Variants in ADAMTS12 observed in about 807,000 individuals in gnomAD.
ADAMTS12 encodes A disintegrin and metalloproteinase with thrombospondin motifs 12.
Under a neutral mutation model 167.8 loss-of-function variants are expected in ADAMTS12, and 118 were observed. The ratio of observed to expected loss-of-function variants is 0.70; its 90% CI spans 0.61 to 0.82. ADAMTS12 has a LOEUF of 0.82. Ranked by LOEUF, ADAMTS12 falls within the 40% of genes least tolerant of loss-of-function variation. The probability of loss-of-function intolerance (pLI) is 0.00; values close to 1 mark genes in which losing one functional copy is unlikely to be tolerated. For missense variants in ADAMTS12, 1,916 were observed against 1,998.8 expected (o/e 0.96, Z 0.79); for synonymous variants, 704 against 716.9 (o/e 0.98, Z 0.29).
chr5:33,754,010 A>G (rs1403414719), intron 2 of ADAMTS12, among the ~76,000 whole-genome samples: 9 of 152,142 alleles, frequency 5.9e-5, no homozygotes. Flanking sequence ...AGCTGTAGGG[A>G]GAGTGAGGTG....
At chr5:33,796,152 C>T (rs1283049381) in intron 2 of ADAMTS12, among the ~76,000 whole-genome samples, 1 of 152,156 alleles carries the variant, frequency 6.6e-6, no homozygotes, top group African/African-American at 2.4e-5. Flanking sequence ...GCAGAATGTG[C>T]CATGCAGGAC....
chr5:33,849,543 C>CATAGCAATATAT (rs1749123819), intron 2 of ADAMTS12, among the ~76,000 whole-genome samples: 2 of 95,350 alleles, frequency 2.1e-5, no homozygotes, highest in African/African-American at 9.8e-5. Context: ...GCAATATATA[C>CATAGCAATATAT]ATATATGTAC....
intron 16 of ADAMTS12, among the ~76,000 whole-genome samples, chr5:33,596,523 A>G (rs1737888598): frequency 6.6e-6 from 1 of 152,190 alleles, no homozygotes; most frequent in Admixed American, 6.5e-5. Flanking sequence ...CTCTACTAAA[A>G]ATACAAAAAT....
At chr5:33,604,507 T>A (rs13155265) in intron 16 of ADAMTS12, among the ~76,000 whole-genome samples, 10 of 140,866 alleles carry the variant, frequency 7.1e-5, no homozygotes, top group South Asian at 2.2e-4. Context: ...ATCTCAAAAT[T>A]AAAAAAAAAG....
At chr5:33,618,121 C>T (rs1470110924) in intron 14 of ADAMTS12, among the ~76,000 whole-genome samples, 2 of 152,112 alleles carry the variant, frequency 1.3e-5, no homozygotes, top group Non-Finnish European at 2.9e-5. Flanking sequence ...GTGTTATATG[C>T]ATTATATATT....
chr5:33,575,841 A>G (rs1746676302), intron 19 of ADAMTS12, among the ~76,000 whole-genome samples: 1 of 152,226 alleles, frequency 6.6e-6, no homozygotes, highest in Non-Finnish European at 1.5e-5. Flanking sequence ...ATATATCTAT[A>G]CAATTTCACA....
intron 14 of ADAMTS12, among the ~76,000 whole-genome samples, chr5:33,622,283 C>T (rs1199368193): frequency 6.6e-6 from 1 of 152,148 alleles, no homozygotes; most frequent in Non-Finnish European, 1.5e-5. Flanking sequence ...GACAACAACT[C>T]TGGTTTTCAA....
At chr5:33,891,607 A>C (rs1254683967) in intron 1 of ADAMTS12, 123 bp downstream of exon 1, 9 of 1,458,472 alleles carry the variant, frequency 6.2e-6, no homozygotes, top group Non-Finnish European at 7.4e-6. Flanking sequence ...ATTTCCTTAC[A>C]ACGCAGCCAA....
At chr5:33,562,777 G>A (rs1406073050) in intron 19 of ADAMTS12, among the ~76,000 whole-genome samples, 1 of 152,032 alleles carries the variant, frequency 6.6e-6, no homozygotes, top group East Asian at 1.9e-4. Context: ...AATTACAGGT[G>A]TGTGCCACCA....
chr5:33,814,774 A>G (rs1747586382), intron 2 of ADAMTS12, among the ~76,000 whole-genome samples: 1 of 152,206 alleles, frequency 6.6e-6, no homozygotes, highest in African/African-American at 2.4e-5. Context: ...CTTCACGTCA[A>G]CTGCGTCAGT....
chr5:33,722,508 T>G (rs1743841067), intron 3 of ADAMTS12, among the ~76,000 whole-genome samples: 1 of 152,206 alleles, frequency 6.6e-6, no homozygotes, highest in Non-Finnish European at 1.5e-5. Context: ...ATCTCAGAGT[T>G]GGTTAGAGGT....
intron 19 of ADAMTS12, among the ~76,000 whole-genome samples, chr5:33,575,640 T>C (rs905574180): frequency 1.3e-5 from 2 of 152,226 alleles, no homozygotes; most frequent in East Asian, 3.8e-4. Context: ...GGGTCTTCAC[T>C]GGTCAGTTTA....
At chr5:33,752,129 G>A (rs541740227) in intron 2 of ADAMTS12, among the ~76,000 whole-genome samples, 50 of 152,350 alleles carry the variant, frequency 3.3e-4, no homozygotes, top group African/African-American at 1.1e-3. Flanking sequence ...TCTAGGGAAA[G>A]GGGAATATTC....
intron 15 of ADAMTS12, among the ~76,000 whole-genome samples, chr5:33,615,170 A>G (rs1470012689): frequency 6.6e-6 from 1 of 152,206 alleles, no homozygotes; most frequent in Non-Finnish European, 1.5e-5. Flanking sequence ...CTGTGTCAGA[A>G]GCAAAGTCTC....
At chr5:33,756,342 C>T (rs531702460) in intron 2 of ADAMTS12, among the ~76,000 whole-genome samples, 147 of 152,314 alleles carry the variant, frequency 9.7e-4, no homozygotes, top group African/African-American at 3.3e-3. Flanking sequence ...CACTGTGTTT[C>T]GGAGGCCACT....
chr5:33,537,648 T>C (rs1744483593), intron 22 of ADAMTS12, among the ~76,000 whole-genome samples: 2 of 152,202 alleles, frequency 1.3e-5, no homozygotes, highest in African/African-American at 2.4e-5. Context: ...CTGTTGTGCC[T>C]AATATAATTC....
intron 2 of ADAMTS12, among the ~76,000 whole-genome samples, chr5:33,839,745 G>A (rs971462161): frequency 2.0e-5 from 3 of 152,110 alleles, no homozygotes; most frequent in Non-Finnish European, 4.4e-5. Flanking sequence ...CACTCAAAAA[G>A]GTTGTATCGC....
At chr5:33,733,161 A>G (rs1171887224) in intron 3 of ADAMTS12, among the ~76,000 whole-genome samples, 1 of 151,724 alleles carries the variant, frequency 6.6e-6, no homozygotes, top group Non-Finnish European at 1.5e-5. Flanking sequence ...TCCTCATTAT[A>G]TTATTTTCCC....
intron 3 of ADAMTS12, among the ~76,000 whole-genome samples, chr5:33,726,081 G>T (rs1444780056): frequency 1.3e-5 from 2 of 152,170 alleles, no homozygotes; most frequent in African/African-American, 4.8e-5. Flanking sequence ...AAGAATCCAA[G>T]CCTCCCATGT....
Sources: allele counts gnomAD v4.1 joint callset (sites outside exome capture counted in the v4.1 genomes callset), GRCh38; gene constraint gnomAD v4.1.1; transcripts MANE v1.5; gene names NCBI Gene and HGNC (gene_info 2026-07-23, HGNC 2026-07-21).